SIMC1: variants seen among roughly 807,000 people sequenced by gnomAD.
The protein encoded by SIMC1 is SUMO-interacting motif-containing protein 1.
In SIMC1, 55 loss-of-function variants were observed where a neutral mutation model predicts 82.3. The observed-to-expected ratio is 0.67, with a 90% CI of 0.54 to 0.84. The LOEUF (loss-of-function observed/expected upper bound fraction) is 0.84. Ranked by LOEUF, SIMC1 falls within the 40% of genes least tolerant of loss-of-function variation. The pLI, the probability that SIMC1 is intolerant of heterozygous loss-of-function variation, is 0.00. For missense variants in SIMC1, 915 were observed against 1,107.2 expected (o/e 0.83, Z 2.46); for synonymous variants, 353 against 426.3 (o/e 0.83, Z 2.12).
chr5:176,308,286 G>C, intron 4 of SIMC1: 1 of 1,472,760 alleles, frequency 6.8e-7, no homozygotes, highest in Non-Finnish European at 9.5e-7. Flanking sequence ...GTTCACATTC[G>C]TTCTGTCATC....
intron 1 of SIMC1, among the ~76,000 whole-genome samples, chr5:176,254,093 T>C (rs900842465): frequency 6.6e-5 from 10 of 152,150 alleles, no homozygotes; most frequent in Admixed American, 6.5e-4. Flanking sequence ...TAGACCAATT[T>C]TGTCATCTAG....
chr5:176,280,952 T>C (rs1762978540), intron 1 of SIMC1, among the ~76,000 whole-genome samples: 1 of 152,212 alleles, frequency 6.6e-6, no homozygotes, highest in South Asian at 2.1e-4. Flanking sequence ...GCGTTCTCTG[T>C]ATTTCCTGAA....
intron 1 of SIMC1, among the ~76,000 whole-genome samples, chr5:176,246,412 GT>G (rs1378925052): frequency 6.4e-5 from 8 of 124,860 alleles, no homozygotes; most frequent in African/African-American, 2.3e-4. Context: ...TCAGGGGTGT[GT>G]GTGTGTGTGT....
At position 176,246,411 on chromosome 5, in the gene SIMC1, T is replaced by G. The variant is rs1198871210; in HGVS notation, c.129+7774T>G. Among the ~76,000 whole-genome samples, 768 of 123,450 alleles carry G rather than the reference T, an allele frequency of 6.2e-3. 3 individuals carry two copies. Among genetic ancestry groups the G allele is most frequent in the African/African-American group, 0.024 (735 of 30,368 alleles). 81.0% of individuals were successfully genotyped at this position (123,450 alleles called of 152,430 possible). Reference sequence around the variant, plus strand: ...CAGCTTGTATAATAGTTCAGGGGTGTGTGTGTGTGTGTGTGTGTGTGTGTG... The same window carrying G: ...CAGCTTGTATAATAGTTCAGGGGTGGGTGTGTGTGTGTGTGTGTGTGTGTG... On this transcript the variant is annotated intron_variant, in intron 1 of 9. Coordinates refer to ENST00000429602, the MANE Select transcript of SIMC1 (RefSeq NM_001308195.2).
At chr5:176,258,386 C>T (rs1238500252) in intron 1 of SIMC1, among the ~76,000 whole-genome samples, 2 of 150,866 alleles carry the variant, frequency 1.3e-5, no homozygotes, top group African/African-American at 2.4e-5. Flanking sequence ...AGGTTTACCA[C>T]CGCTTGTCTC....
chr5:176,311,403 A>C (rs189513789), intron 4 of SIMC1, among the ~76,000 whole-genome samples: 240 of 152,024 alleles, frequency 1.6e-3, no homozygotes, highest in African/African-American at 5.4e-3. Context: ...ACGCCTGGAT[A>C]ATTTTTTTAT....
chr5:176,339,294 G>A (rs1033931676), intron 9 of SIMC1, among the ~76,000 whole-genome samples: 1 of 152,132 alleles, frequency 6.6e-6, no homozygotes, highest in Non-Finnish European at 1.5e-5. Context: ...AACCCGGGAG[G>A]TGGAGGTTGC....
chr5:176,277,530 A>G (rs1762767730), intron 1 of SIMC1, among the ~76,000 whole-genome samples: 1 of 151,976 alleles, frequency 6.6e-6, no homozygotes, highest in Admixed American at 6.6e-5. Context: ...GCCCATGCCT[A>G]TGTCCTGAAT....
intron 5 of SIMC1, among the ~76,000 whole-genome samples, chr5:176,321,753 G>T (rs1765166176): frequency 1.3e-5 from 2 of 152,116 alleles, no homozygotes; most frequent in South Asian, 2.1e-4. Context: ...AAGGACTTCT[G>T]TGGTCACCCA....
intron 5 of SIMC1, 98 bp downstream of exon 5, chr5:176,313,943 CAGT>C (rs1764787451): frequency 6.7e-7 from 1 of 1,498,794 alleles, no homozygotes. Flanking sequence ...GTTTTCTAGT[CAGT>C]AGATAGTGTA....
intron 1 of SIMC1, among the ~76,000 whole-genome samples, chr5:176,285,045 T>A (rs1399328407): frequency 6.6e-6 from 1 of 152,220 alleles, no homozygotes; most frequent in Non-Finnish European, 1.5e-5. Flanking sequence ...CACAGCCAAA[T>A]TCTACCAGAG....
chr5:176,314,756 A>G (rs1764826389), intron 5 of SIMC1, among the ~76,000 whole-genome samples: 1 of 152,162 alleles, frequency 6.6e-6, no homozygotes, highest in Non-Finnish European at 1.5e-5. Context: ...GCCCTGACTC[A>G]TGATGGTTTG....
At chr5:176,291,703 C>A (rs1469566837) in intron 2 of SIMC1, among the ~76,000 whole-genome samples, 1 of 152,038 alleles carries the variant, frequency 6.6e-6, no homozygotes, top group Non-Finnish European at 1.5e-5. Flanking sequence ...TGGTCTTGAT[C>A]TCCTGATCTT....
intron 1 of SIMC1, among the ~76,000 whole-genome samples, chr5:176,257,141 G>A (rs1446442297): frequency 6.6e-6 from 1 of 152,014 alleles, no homozygotes; most frequent in Non-Finnish European, 1.5e-5. Flanking sequence ...TTATTCAATA[G>A]CATAACTTTC....
Position 176,330,013 on chromosome 5 carries a change from C to T in SIMC1, c.2171+5256C>T, listed in dbSNP as rs142357751. Among the ~76,000 whole-genome samples the T allele has an allele frequency of 2.8e-3, 434 of 152,292 alleles. 2 individuals are homozygous for T. The highest frequency in any genetic ancestry group is 0.01 in the Middle Eastern group (3 of 294). On this transcript the variant is annotated intron_variant, in intron 7 of 9. Transcript: ENST00000429602. Reference sequence around the variant, plus strand: ...GTATTCATACATATGTTTCCTACCTCTGCCCACTGAGAGAGCATGGAAGCA... The same window carrying T: ...GTATTCATACATATGTTTCCTACCTTTGCCCACTGAGAGAGCATGGAAGCA...
At chr5:176,313,496 T>A (rs1185003152) in intron 4 of SIMC1, 195 bp from the exon 5 acceptor site, 1 of 1,552,306 alleles carries the variant, frequency 6.4e-7, no homozygotes, top group South Asian at 1.2e-5. Context: ...TATGATTTTT[T>A]TCAGCAGTCA....
chr5:176,294,986 A>G, intron 2 of SIMC1, 44 bp from the exon 3 acceptor site: 2 of 1,479,624 alleles, frequency 1.4e-6, no homozygotes, highest in Non-Finnish European at 1.8e-6. Context: ...AAAAAAAAAA[A>G]GAAAAGAAAT....
intron 1 of SIMC1, among the ~76,000 whole-genome samples, chr5:176,253,322 G>T (rs1761750233): frequency 6.6e-6 from 1 of 152,058 alleles, no homozygotes; most frequent in Non-Finnish European, 1.5e-5. Context: ...ATTTCAACTT[G>T]GTGAATATGA....
chr5:176,270,849 C>T (rs1254425003), intron 1 of SIMC1, among the ~76,000 whole-genome samples: 2 of 152,186 alleles, frequency 1.3e-5, no homozygotes, highest in Non-Finnish European at 2.9e-5. Context: ...GCCCCACCAC[C>T]ATGGGCTAAG....
Sources: gnomAD v4.1 joint callset for allele counts (sites outside exome capture counted in the v4.1 genomes callset) on GRCh38, gnomAD v4.1.1 for gene constraint, MANE v1.5 for transcripts, NCBI Gene and HGNC (gene_info 2026-07-23, HGNC 2026-07-21) for gene names.